The following FAR2 variants were observed in gnomAD, a reference collection of about 807,000 sequenced individuals.
The protein encoded by FAR2 is epididymis secretory protein Li 81.
FAR2 carries 19 observed loss-of-function variants against 56.0 expected under a neutral mutation model. That is an observed-to-expected ratio of 0.34 (90% CI 0.24 to 0.50). The LOEUF is 0.50. Among genes scored for constraint, FAR2 ranks in the 20% least tolerant of loss-of-function variants. The pLI is 0.98. For synonymous variants in FAR2, 219 were observed against 218.8 expected, an observed-to-expected ratio of 1.00 and a Z score of -0.01; for missense variants, 508 against 642.2, an observed-to-expected ratio of 0.79 and a Z score of 2.26.
At chr12:29,220,707 C>G (rs1947675884) in intron 1 of FAR2, among the ~76,000 whole-genome samples, 1 of 152,118 alleles carries the variant, frequency 6.6e-6, no homozygotes, top group Non-Finnish European at 1.5e-5. Flanking sequence ...CCATACGATT[C>G]TGTAGCAACC....
At chr12:29,333,510 A>T (rs895530814) in intron 11 of FAR2, 122 bp from the exon 12 acceptor site, 14 of 890,884 alleles carry the variant, frequency 1.6e-5, no homozygotes, top group Non-Finnish European at 2.4e-5. Flanking sequence ...AAGTTATATC[A>T]AATACTCTGA....
chr12:29,268,633 G>C (rs539616767), intron 1 of FAR2, among the ~76,000 whole-genome samples: 1 of 152,090 alleles, frequency 6.6e-6, no homozygotes, highest in African/African-American at 2.4e-5. Context: ...GCATATAAGG[G>C]GGAAAAAGGT....
chr12:29,199,599 C>CAAAA (rs774461038), intron 1 of FAR2, among the ~76,000 whole-genome samples: 118 of 106,246 alleles, frequency 1.1e-3, no homozygotes, highest in African/African-American at 3.5e-3. Flanking sequence ...GACCCCGTCT[C>CAAAA]AAAAAAAAAA....
chr12:29,278,428 C>A (rs1948734420), intron 2 of FAR2, among the ~76,000 whole-genome samples: 2 of 152,070 alleles, frequency 1.3e-5, no homozygotes, highest in Admixed American at 1.3e-4. Context: ...CAGCCTCAAC[C>A]TCCCGGGCTC....
intron 4 of FAR2, among the ~76,000 whole-genome samples, chr12:29,297,734 T>G (rs1949094281): frequency 6.6e-6 from 1 of 152,144 alleles, no homozygotes; most frequent in Non-Finnish European, 1.5e-5. Context: ...TAACAGCACT[T>G]AATCAAATAA....
intron 1 of FAR2, among the ~76,000 whole-genome samples, chr12:29,259,751 A>G (rs759187995): frequency 3.3e-5 from 5 of 152,202 alleles, no homozygotes; most frequent in Admixed American, 1.3e-4. Context: ...CCATGCCTAG[A>G]CAGTGCCTGA....
At chr12:29,299,860 A>G (rs983526890) in intron 4 of FAR2, among the ~76,000 whole-genome samples, 1 of 152,136 alleles carries the variant, frequency 6.6e-6, no homozygotes, top group Non-Finnish European at 1.5e-5. Flanking sequence ...TCTTACTCAG[A>G]TATCAAGGCT....
intron 1 of FAR2, among the ~76,000 whole-genome samples, chr12:29,222,222 T>G (rs1947704213): frequency 6.6e-6 from 1 of 152,338 alleles, no homozygotes; most frequent in South Asian, 2.1e-4. Context: ...CTCTGAGCAT[T>G]ACATACTCTT....
At chr12:29,162,207 G>A (rs1367311727) in intron 1 of FAR2, among the ~76,000 whole-genome samples, 1 of 152,072 alleles carries the variant, frequency 6.6e-6, no homozygotes, top group Non-Finnish European at 1.5e-5. Context: ...AAATTGTGTT[G>A]TTTTGCCTTT....
intron 10 of FAR2, among the ~76,000 whole-genome samples, chr12:29,328,949 G>A (rs1949690313): frequency 6.6e-6 from 1 of 151,764 alleles, no homozygotes; most frequent in Admixed American, 6.6e-5. Context: ...GACCTTGCTT[G>A]CCAGCTAAGG....
intron 2 of FAR2, among the ~76,000 whole-genome samples, chr12:29,290,486 G>T (rs1948947859): frequency 6.6e-6 from 1 of 151,800 alleles, no homozygotes; most frequent in African/African-American, 2.4e-5. Flanking sequence ...TGATCCAGCA[G>T]TCCCACTGCA....
rs117398969 is a variant in FAR2 at position 29,155,225 on chromosome 12, C to T, written c.-39+5818C>T. ...AAACAATGGGGAAGACTCCCCAGGGCCTCTTAGGTCCCGTGGTAGGCCTGG... is the reference window on the plus strand; with the variant it reads ...AAACAATGGGGAAGACTCCCCAGGGTCTCTTAGGTCCCGTGGTAGGCCTGG... On this transcript the variant is annotated intron_variant, in intron 1 of 11. Coordinates refer to ENST00000536681, the MANE Select transcript of FAR2 (RefSeq NM_001271783.2). 3.9e-3 allele frequency among the ~76,000 whole-genome samples: 591 copies of T among 152,320 alleles called. 3 individuals are homozygous for T. Among genetic ancestry groups the T allele is most frequent in the Non-Finnish European group, 6.2e-3 (424 of 68,032 alleles).
chr12:29,179,818 T>C (rs905577095), intron 1 of FAR2, among the ~76,000 whole-genome samples: 5 of 152,242 alleles, frequency 3.3e-5, no homozygotes, highest in African/African-American at 4.8e-5. Context: ...TCAGGTATTA[T>C]AGAAGGGACC....
rs150324812 is a variant in FAR2 at position 29,229,934 on chromosome 12, G to A, written c.-38-40478G>A. Reference sequence around the variant, plus strand: ...GAGCTGGAGAACATTCTAGATAAAGGGAACGGCATTCATTCTTCCTGCAGC... The same window carrying A: ...GAGCTGGAGAACATTCTAGATAAAGAGAACGGCATTCATTCTTCCTGCAGC... On this transcript the variant is annotated intron_variant, in intron 1 of 11. Transcript: ENST00000536681. Among the ~76,000 whole-genome samples the A allele has an allele frequency of 1.8e-3, 267 of 152,068 alleles. 2 individuals are homozygous for A. Among genetic ancestry groups the A allele is most frequent in the African/African-American group, 5.7e-3 (238 of 41,474 alleles).
intron 1 of FAR2, among the ~76,000 whole-genome samples, chr12:29,175,205 T>C (rs1294919720): frequency 6.6e-6 from 1 of 152,190 alleles, no homozygotes; most frequent in Non-Finnish European, 1.5e-5. Context: ...GATTGCCCCA[T>C]CTGGGTCACC....
chr12:29,201,933 T>C (rs908629963), intron 1 of FAR2, among the ~76,000 whole-genome samples: 1 of 152,202 alleles, frequency 6.6e-6, no homozygotes, highest in Non-Finnish European at 1.5e-5. Context: ...AGACTGTTGA[T>C]TGTTTCTGTT....
intron 1 of FAR2, among the ~76,000 whole-genome samples, chr12:29,200,980 G>T (rs933833565): frequency 1.3e-5 from 2 of 152,156 alleles, no homozygotes; most frequent in African/African-American, 4.8e-5. Context: ...GTGTGTCAGT[G>T]TACTTTATTC....
At chr12:29,254,619 A>T (rs1011329125) in intron 1 of FAR2, among the ~76,000 whole-genome samples, 9 of 152,224 alleles carry the variant, frequency 5.9e-5, no homozygotes, top group Non-Finnish European at 1.3e-4. Flanking sequence ...TTATGCTACA[A>T]AATGGGAACA....
At chr12:29,228,922 G>A (rs1947811823) in intron 1 of FAR2, among the ~76,000 whole-genome samples, 1 of 152,120 alleles carries the variant, frequency 6.6e-6, no homozygotes, top group East Asian at 1.9e-4. Context: ...AGAAAAACAC[G>A]GAGACTTAAG....
Sources: allele counts gnomAD v4.1 joint callset (sites outside exome capture counted in the v4.1 genomes callset), GRCh38; gene constraint gnomAD v4.1.1; transcripts MANE v1.5; gene names NCBI Gene and HGNC (gene_info 2026-07-23, HGNC 2026-07-21).